EYS: variants seen among roughly 807,000 people sequenced by gnomAD.
EYS encodes EGF-like photoreceptor maintenance factor, also known as protein eyes shut homolog.
In EYS, 250 loss-of-function variants were observed where a neutral mutation model predicts 282.1. The ratio of observed to expected loss-of-function variants is 0.89; its 90% confidence interval spans 0.80 to 0.98. EYS has a LOEUF of 0.98. EYS is among the 50% of genes least tolerant of loss of function. The pLI, the probability that EYS is intolerant of heterozygous loss-of-function variation, is 0.00. For missense variants in EYS, 4,016 were observed against 3,709.0 expected (o/e 1.08, Z -2.15); for synonymous variants, 1,355 against 1,282.9 (o/e 1.06, Z -1.20).
At chr6:65,537,518 G>GCAAACA (rs1554208224) in intron 2 of EYS, among the ~76,000 whole-genome samples, 5,710 of 151,136 alleles carry the variant, frequency 0.038, 276 homozygotes, top group African/African-American at 0.11. Flanking sequence ...TATATAACAT[G>GCAAACA]CACACACACA....
chr6:65,153,741 C>T (rs540526974), intron 12 of EYS, among the ~76,000 whole-genome samples: 3 of 151,770 alleles, frequency 2.0e-5, no homozygotes, highest in African/African-American at 7.2e-5. Flanking sequence ...TGAAAAGCAT[C>T]TCTCTGGATT....
intron 1 of EYS, among the ~76,000 whole-genome samples, chr6:65,654,637 C>T (rs997751478): frequency 6.6e-6 from 1 of 151,684 alleles, no homozygotes; most frequent in Non-Finnish European, 1.5e-5. Flanking sequence ...ACAGAGACAT[C>T]CCTATACCAG....
At chr6:65,010,462 A>G (rs139446654) in intron 13 of EYS, among the ~76,000 whole-genome samples, 10,879 of 152,322 alleles carry the variant, frequency 0.071, 452 homozygotes, top group African/African-American at 0.12. Context: ...CATTTCTTCC[A>G]GACAATGAAG....
chr6:64,751,983 C>T (rs1278001284), intron 22 of EYS, among the ~76,000 whole-genome samples: 4 of 151,954 alleles, frequency 2.6e-5, no homozygotes, highest in Admixed American at 2.0e-4. Flanking sequence ...AAGGATGTGA[C>T]TCATTAAGAA....
chr6:64,033,949 GT>G (rs1769990084), intron 33 of EYS, among the ~76,000 whole-genome samples: 1 of 152,124 alleles, frequency 6.6e-6, no homozygotes, highest in African/African-American at 2.4e-5. Context: ...GAGTAGCTGA[GT>G]AGTATCTTGA....
At chr6:64,843,914 G>A (rs770337798) in intron 19 of EYS, among the ~76,000 whole-genome samples, 23 of 152,086 alleles carry the variant, frequency 1.5e-4, no homozygotes, top group Admixed American at 5.2e-4. Context: ...GGAGGGACCC[G>A]GTGGGAGATA....
chr6:65,154,522 T>A (rs1194398619), intron 12 of EYS, among the ~76,000 whole-genome samples: 1 of 151,600 alleles, frequency 6.6e-6, no homozygotes, highest in African/African-American at 2.4e-5. Context: ...TAAAGTAATT[T>A]TATAATTATA....
intron 28 of EYS, among the ~76,000 whole-genome samples, chr6:64,426,909 TA>T (rs1208945263): frequency 6.6e-6 from 1 of 152,198 alleles, no homozygotes; most frequent in Non-Finnish European, 1.5e-5. Context: ...AGTTATTTTT[TA>T]GTCAATTATA....
intron 26 of EYS, among the ~76,000 whole-genome samples, chr6:64,523,346 T>C (rs994085773): frequency 6.6e-6 from 1 of 151,818 alleles, no homozygotes; most frequent in Non-Finnish European, 1.5e-5. Flanking sequence ...TTTGTGTTTA[T>C]TTGTTTCAAT....
At chr6:64,560,453 G>T (rs1039260683) in intron 26 of EYS, among the ~76,000 whole-genome samples, 11 of 151,958 alleles carry the variant, frequency 7.2e-5, no homozygotes, top group Non-Finnish European at 1.3e-4. Flanking sequence ...TTAAAGAAAA[G>T]TTCCATTATG....
chr6:65,392,652 C>A (rs1416331105), intron 7 of EYS, among the ~76,000 whole-genome samples: 1 of 152,040 alleles, frequency 6.6e-6, no homozygotes, highest in Non-Finnish European at 1.5e-5. Context: ...GAATGGCAAT[C>A]ATTAAAAAGT....
intron 29 of EYS, among the ~76,000 whole-genome samples, chr6:64,333,141 T>A (rs1000873382): frequency 6.6e-6 from 1 of 151,570 alleles, no homozygotes; most frequent in African/African-American, 2.4e-5. Context: ...CAGTCTGTGA[T>A]CCTGGAAACA....
At chr6:64,032,270 C>T (rs529333140) in intron 33 of EYS, among the ~76,000 whole-genome samples, 16 of 152,234 alleles carry the variant, frequency 1.1e-4, no homozygotes, top group South Asian at 1.0e-3. Context: ...ACACTCACCG[C>T]GAGGGTCCAC....
chr6:65,614,612 G>C (rs1766120126), intron 2 of EYS, among the ~76,000 whole-genome samples: 1 of 151,920 alleles, frequency 6.6e-6, no homozygotes. Context: ...GAATGAACTA[G>C]GTGTACTTAA....
intron 15 of EYS, among the ~76,000 whole-genome samples, chr6:64,919,895 G>T (rs1465637751): frequency 6.6e-6 from 1 of 152,070 alleles, no homozygotes; most frequent in Non-Finnish European, 1.5e-5. Flanking sequence ...ACAAGCAGAG[G>T]CAGATAATGC....
chr6:64,049,272 C>T (rs1770730232), intron 33 of EYS, among the ~76,000 whole-genome samples: 2 of 152,300 alleles, frequency 1.3e-5, no homozygotes, highest in East Asian at 1.9e-4. Context: ...ATTTGATTAA[C>T]ATTTTGCTAT....
intron 2 of EYS, among the ~76,000 whole-genome samples, chr6:65,496,331 G>T (rs1239988510): frequency 2.0e-5 from 3 of 152,072 alleles, no homozygotes; most frequent in Non-Finnish European, 4.4e-5. Flanking sequence ...TGTTGTTCCA[G>T]AGGGCAAGAA....
chr6:65,437,105 A>AT (rs1206800925), intron 5 of EYS, among the ~76,000 whole-genome samples: 5 of 152,152 alleles, frequency 3.3e-5, no homozygotes, highest in African/African-American at 1.2e-4. Context: ...TTAATTTATT[A>AT]TGTTTCTCTT....
chr6:65,310,895 TTTA>T (rs574917577), intron 11 of EYS, among the ~76,000 whole-genome samples: 2 of 152,024 alleles, frequency 1.3e-5, no homozygotes, highest in Non-Finnish European at 2.9e-5. Context: ...CAACTGAAAT[TTTA>T]TTATTATTAT....
Sources: allele counts gnomAD v4.1 joint callset (sites outside exome capture counted in the v4.1 genomes callset), GRCh38; gene constraint gnomAD v4.1.1; transcripts MANE v1.5; gene names NCBI Gene and HGNC (gene_info 2026-07-23, HGNC 2026-07-21).